The following TENM1 variants were observed in gnomAD, a reference collection of about 807,000 sequenced individuals.
The protein encoded by TENM1 is teneurin transmembrane protein 1, also known as teneurin-1.
In TENM1, 35 loss-of-function variants were observed where a neutral mutation model predicts 174.8. The ratio of observed to expected loss-of-function variants is 0.20; its 90% CI spans 0.15 to 0.27. The LOEUF (loss-of-function observed/expected upper bound fraction) is 0.27. TENM1 is among the 10% of genes least tolerant of loss of function. The pLI, the probability that TENM1 is intolerant of heterozygous loss-of-function variation, is 1.00. For missense variants in TENM1, 1,633 were observed against 2,130.1 expected (o/e 0.77, Z 4.59); for synonymous variants, 781 against 798.7 (o/e 0.98, Z 0.37).
chrX:124,737,038 G>A lies in TENM1; in HGVS notation c.695C>T (p.Pro232Leu), dbSNP rs150561387. Residue 232 changes from proline (P) to leucine (L), a missense_variant, in exon 4 of 32, where the codon CCA becomes CTA. Around this residue, in one of 4 missense-constraint regions of TENM1, gnomAD observed 305 missense variants for 309.2 expected, o/e 0.99. Transcript: ENST00000422452. ...ATCCTGCGTGCTGGTTGGGGGAGCT[G>A]GAGCAGCTGGGCTGGGCTGGCTGCG... 38 of 1,209,610 alleles carry A rather than the reference G, an allele frequency of 3.1e-5. No homozygotes were observed. Among genetic ancestry groups the A allele is most frequent in the Middle Eastern group, 2.3e-4 (1 of 4,372 alleles).
chrX:125,007,177 A>G, the TENM1 span, among the ~76,000 whole-genome samples: 3 of 111,706 alleles, frequency 2.7e-5, no homozygotes, highest in Non-Finnish European at 5.6e-5. Flanking sequence ...TTAGAGAGGA[A>G]TATAAATGAC....
intron 15 of TENM1, among the ~76,000 whole-genome samples, chrX:124,542,694 C>T (rs1399454389): frequency 9.0e-6 from 1 of 110,807 alleles, no homozygotes; most frequent in Non-Finnish European, 1.9e-5. Flanking sequence ...TTTGGTGGGA[C>T]CGGGATTATC....
intron 11 of TENM1, among the ~76,000 whole-genome samples, chrX:124,569,272 A>C (rs1166212183): frequency 9.0e-6 from 1 of 111,532 alleles, no homozygotes; most frequent in Admixed American, 9.5e-5. Context: ...AAATTGAAAG[A>C]AGAAGAAAGG....
At chrX:124,637,345 C>T (rs1423635107) in intron 11 of TENM1, among the ~76,000 whole-genome samples, 1 of 110,830 alleles carries the variant, frequency 9.0e-6, no homozygotes, top group South Asian at 3.9e-4. Flanking sequence ...GCCTTGGCCT[C>T]TCAAAGTGCT....
intron 3 of TENM1, among the ~76,000 whole-genome samples, chrX:124,828,065 A>C: frequency 8.9e-6 from 1 of 111,974 alleles, no homozygotes. Context: ...AACAATCAGG[A>C]GTCATGGCCA....
chrX:124,419,670 G>C (rs1414104547), intron 25 of TENM1, among the ~76,000 whole-genome samples: 1 of 112,058 alleles, frequency 8.9e-6, no homozygotes, highest in African/African-American at 3.2e-5. Context: ...AAATGTGCTG[G>C]ATTATTCAAC....
At chrX:124,738,756 G>A (rs1603101282) in intron 3 of TENM1, among the ~76,000 whole-genome samples, 2 of 111,789 alleles carry the variant, frequency 1.8e-5, no homozygotes, top group East Asian at 5.6e-4. Context: ...AACTAGAAGT[G>A]TGCTTTCCAT....
At chrX:125,179,482 C>G in the TENM1 span, among the ~76,000 whole-genome samples, 4 of 111,667 alleles carry the variant, frequency 3.6e-5, no homozygotes, top group Middle Eastern at 4.6e-3. Context: ...TTTAGCTGCC[C>G]TCTCTTGCTA....
the TENM1 span, among the ~76,000 whole-genome samples, chrX:125,064,930 GAAAAAATA>G: frequency 8.9e-6 from 1 of 111,830 alleles, no homozygotes; most frequent in Non-Finnish European, 1.9e-5. Flanking sequence ...AATTCTGACT[GAAAAAATA>G]AAGTTGAGCA....
the TENM1 span, among the ~76,000 whole-genome samples, chrX:124,999,021 T>C: frequency 9.0e-6 from 1 of 111,395 alleles, no homozygotes; most frequent in Middle Eastern, 4.7e-3. Flanking sequence ...TGAAGTGCGA[T>C]ATCAATCCGG....
chrX:124,871,058 C>T lies in TENM1; in HGVS notation c.535+23238G>A, dbSNP rs746236006. Among the ~76,000 whole-genome samples, 4 of 110,860 alleles carry T rather than the reference C, an allele frequency of 3.6e-5. No individual in the cohort carries two copies. The South Asian group carries it at 1.5e-3, about 43-fold the overall frequency. ...TATGCAATACATTTTTCTTAACCAG[C>T]TATGGTCCCTCTACTGTGCAAGAGA... On this transcript the variant is annotated intron_variant, in intron 3 of 31. Transcript: ENST00000422452.
intron 6 of TENM1, among the ~76,000 whole-genome samples, chrX:124,667,607 T>A (rs2051804516): frequency 9.3e-6 from 1 of 107,257 alleles, no homozygotes; most frequent in South Asian, 4.1e-4. Flanking sequence ...AAAAAAAAAA[T>A]TATGACTAGT....
At chrX:124,840,036 G>A (rs940318861) in intron 3 of TENM1, among the ~76,000 whole-genome samples, 5 of 111,669 alleles carry the variant, frequency 4.5e-5, no homozygotes, top group Admixed American at 1.9e-4. Flanking sequence ...CTGTTCTTTC[G>A]TCTTTCAAAT....
At chrX:124,672,422 C>T (rs1185505415) in intron 5 of TENM1, among the ~76,000 whole-genome samples, 2 of 111,332 alleles carry the variant, frequency 1.8e-5, no homozygotes, top group Non-Finnish European at 3.8e-5. Context: ...AAACTGCTAT[C>T]AGAAGATTAA....
the TENM1 span, among the ~76,000 whole-genome samples, chrX:124,991,653 T>C: frequency 1.8e-5 from 2 of 110,732 alleles, no homozygotes; most frequent in Non-Finnish European, 1.9e-5. Flanking sequence ...CCTGCTCTGA[T>C]AATGATAGGA....
chrX:125,063,659 A>G, the TENM1 span, among the ~76,000 whole-genome samples: 13 of 111,819 alleles, frequency 1.2e-4, no homozygotes, highest in African/African-American at 4.2e-4. Flanking sequence ...AAGTCAGGAA[A>G]CAACAGGTGC....
intron 3 of TENM1, among the ~76,000 whole-genome samples, chrX:124,887,383 G>A (rs970408833): frequency 1.9e-4 from 21 of 111,225 alleles, no homozygotes; most frequent in African/African-American, 5.9e-4. Context: ...TTGTACATGC[G>A]TGGAAAATTT....
intron 3 of TENM1, among the ~76,000 whole-genome samples, chrX:124,763,104 ACATG>A (rs2054458648): frequency 8.9e-6 from 1 of 111,776 alleles, no homozygotes; most frequent in Non-Finnish European, 1.9e-5. Flanking sequence ...GAGGGTAAGC[ACATG>A]CATATTAATA....
intron 23 of TENM1, among the ~76,000 whole-genome samples, chrX:124,446,353 C>T (rs1229325658): frequency 8.9e-6 from 1 of 112,602 alleles, no homozygotes; most frequent in Non-Finnish European, 1.9e-5. Flanking sequence ...ATATCTACCT[C>T]TCAAGGGTGG....
Sources: allele counts gnomAD v4.1 joint callset (sites outside exome capture counted in the v4.1 genomes callset), GRCh38; gene constraint gnomAD v4.1.1; regional missense constraint gnomAD v4.1.1; transcripts MANE v1.5; gene names NCBI Gene and HGNC (gene_info 2026-07-23, HGNC 2026-07-21).